The following SETD7 variants were observed in gnomAD, a reference collection of about 807,000 sequenced individuals.
SETD7 encodes the protein SET domain containing 7, histone lysine methyltransferase, also known as histone-lysine N-methyltransferase SETD7.
SETD7 carries 16 observed loss-of-function variants against 41.8 expected under a neutral mutation model. The observed-to-expected ratio is 0.38, with a 90% confidence interval of 0.26 to 0.58. SETD7 has a LOEUF of 0.58. Ranked by LOEUF, SETD7 falls within the 20% of genes least tolerant of loss-of-function variation. The pLI is 0.64. For synonymous variants in SETD7, 163 were observed against 169.7 expected (o/e 0.96, Z 0.31); for missense variants, 346 against 459.7 (o/e 0.75, Z 2.26).
downstream of SETD7, among the ~76,000 whole-genome samples, chr4:139,505,308 G>A (rs1726674043): frequency 1.3e-5 from 2 of 152,176 alleles, no homozygotes; most frequent in Admixed American, 1.3e-4. Context: ...ATGTTGACTG[G>A]CTGGGCACGG....
chr4:139,537,186 G>T (rs1263844580), intron 2 of SETD7, among the ~76,000 whole-genome samples: 1 of 152,080 alleles, frequency 6.6e-6, no homozygotes, highest in African/African-American at 2.4e-5. Flanking sequence ...TGTTGGTCAG[G>T]CTGTTCTCGA....
intron 3 of SETD7, among the ~76,000 whole-genome samples, chr4:139,529,745 A>G (rs1401562458): frequency 6.6e-6 from 1 of 152,240 alleles, no homozygotes; most frequent in African/African-American, 2.4e-5. Flanking sequence ...GAATTAATTT[A>G]GTGTACACAA....
chr4:139,548,349 G>A (rs960298300), intron 1 of SETD7, among the ~76,000 whole-genome samples: 8 of 152,118 alleles, frequency 5.3e-5, no homozygotes, highest in East Asian at 1.9e-4. Flanking sequence ...ATAAATATGC[G>A]GCCGGGCATG....
chr4:139,499,911 G>A (rs1177478009), intron 7 of SETD7, among the ~76,000 whole-genome samples: 2 of 152,178 alleles, frequency 1.3e-5, no homozygotes, highest in Non-Finnish European at 2.9e-5. Flanking sequence ...TCTAGACAGA[G>A]AGGTTTTGCT....
At chr4:139,499,010 C>T (rs562791645) in intron 7 of SETD7, among the ~76,000 whole-genome samples, 10 of 152,182 alleles carry the variant, frequency 6.6e-5, no homozygotes, top group Non-Finnish European at 1.5e-4. Context: ...TGCAGTGAGC[C>T]GAGATTGCAC....
chr4:139,498,552 A>C (rs1473945083), intron 7 of SETD7, among the ~76,000 whole-genome samples: 2 of 152,152 alleles, frequency 1.3e-5, no homozygotes, highest in African/African-American at 2.4e-5. Context: ...CCCCTGTAAC[A>C]TGGTGTGCCC....
intron 7 of SETD7, among the ~76,000 whole-genome samples, chr4:139,516,840 C>T (rs1165754694): frequency 1.3e-5 from 2 of 152,098 alleles, no homozygotes; most frequent in Non-Finnish European, 2.9e-5. Context: ...AATTTTAGAA[C>T]ACCCGCCTTA....
At chr4:139,501,536 A>AATT (rs1726575514), downstream of SETD7, among the ~76,000 whole-genome samples, 1 of 152,272 alleles carries the variant, frequency 6.6e-6, no homozygotes, top group East Asian at 1.9e-4. Context: ...ACCACTGGAT[A>AATT]ATTACTCCAT....
chr4:139,501,763 T>C (rs1007498665), downstream of SETD7, among the ~76,000 whole-genome samples: 6 of 152,212 alleles, frequency 3.9e-5, no homozygotes, highest in African/African-American at 1.4e-4. Flanking sequence ...AGCTAGATGC[T>C]TCACTCATTA....
Position 139,520,375 on chromosome 4 carries a change from G to A in SETD7, c.664C>T (p.Leu222Phe), listed in dbSNP as rs966616060. The stretch of plus-strand genomic sequence containing the variant: ...AGTCCTTCTCCAGCACTGGAAATAA[G>A]AGATTCAGCAACATAAACCCTAAAT... Reference protein sequence around the residue: ...ESERVYVAESLISSAGEGLFS... With the variant: ...ESERVYVAESFISSAGEGLFS... The change falls in exon 6 of 8, where the codon CTT becomes TTT. Residue 222 changes from leucine (L) to phenylalanine (F), a missense_variant. Transcript: ENST00000274031. 60 of 1,605,206 alleles carry A rather than the reference G, an allele frequency of 3.7e-5. No individual in the cohort carries two copies. Among genetic ancestry groups the A allele is most frequent in the Non-Finnish European group, 5.0e-5 (59 of 1,175,168 alleles).
chr4:139,533,544 C>T (rs1328450652), intron 2 of SETD7, among the ~76,000 whole-genome samples, 178 bp from the exon 3 acceptor site: 1 of 152,174 alleles, frequency 6.6e-6, no homozygotes, highest in Non-Finnish European at 1.5e-5. Context: ...GTGGGTAAGA[C>T]TGAGAAGAAA....
intron 5 of SETD7, among the ~76,000 whole-genome samples, chr4:139,520,884 C>T (rs1005923386): frequency 1.3e-5 from 2 of 152,178 alleles, no homozygotes; most frequent in African/African-American, 4.8e-5. Context: ...ATAAGCATTT[C>T]CCAGCAAAAG....
In SETD7 at chr4:139,552,605, C is replaced by T. The variant is rs541233549; in HGVS notation, c.40+3493G>A. 7.2e-5 allele frequency among the ~76,000 whole-genome samples: 11 copies of T among 152,292 alleles called. No individual in the cohort carries two copies. The South Asian group carries it at 2.3e-3, about 32-fold the overall frequency. On this transcript the variant is annotated intron_variant, in intron 1 of 7. Coordinates refer to ENST00000274031, the MANE Select transcript of SETD7 (RefSeq NM_030648.4). ...CACAGTCCATGCTCTCAGCCTGCTACCCAGCCTCCTTTCCCTGTCTTCCCC... is the reference window on the plus strand; with the variant it reads ...CACAGTCCATGCTCTCAGCCTGCTATCCAGCCTCCTTTCCCTGTCTTCCCC...
intron 3 of SETD7, among the ~76,000 whole-genome samples, chr4:139,529,897 A>G (rs1475665598): frequency 4.6e-5 from 7 of 152,158 alleles, no homozygotes; most frequent in Non-Finnish European, 1.0e-4. Flanking sequence ...TCCCATCTCA[A>G]TTCTTTCTTT....
intron 4 of SETD7, among the ~76,000 whole-genome samples, chr4:139,528,221 G>A (rs1038708113): frequency 6.6e-6 from 1 of 152,140 alleles, no homozygotes; most frequent in African/African-American, 2.4e-5. Context: ...TGTGACATGT[G>A]TACTTCTAAA....
chr4:139,502,773 C>T (rs1469250331), downstream of SETD7, among the ~76,000 whole-genome samples: 1 of 151,938 alleles, frequency 6.6e-6, no homozygotes, highest in Non-Finnish European at 1.5e-5. Flanking sequence ...GGATGCTTCA[C>T]GTGGTGGAGG....
intron 1 of SETD7, 32 bp from the exon 2 acceptor site, chr4:139,547,081 A>G (rs1293349948): frequency 1.2e-6 from 2 of 1,612,406 alleles, no homozygotes; most frequent in South Asian, 1.1e-5. Flanking sequence ...GCAAACCTTA[A>G]CATCTTCAGT....
intron 7 of SETD7, among the ~76,000 whole-genome samples, chr4:139,513,974 C>T (rs1026635557): frequency 1.3e-5 from 2 of 152,218 alleles, no homozygotes; most frequent in African/African-American, 4.8e-5. Flanking sequence ...AATCACAACT[C>T]TTTGCTTAAA....
downstream of SETD7, among the ~76,000 whole-genome samples, chr4:139,493,049 G>C (rs1266734871): frequency 1.3e-5 from 2 of 152,182 alleles, no homozygotes; most frequent in African/African-American, 2.4e-5. Flanking sequence ...CTGTGTAAGG[G>C]ACTAAGGATG....
Sources: allele counts gnomAD v4.1 joint callset (sites outside exome capture counted in the v4.1 genomes callset), GRCh38; gene constraint gnomAD v4.1.1; transcripts MANE v1.5; gene names NCBI Gene and HGNC (gene_info 2026-07-23, HGNC 2026-07-21).